PCDHA4: variants seen among roughly 807,000 people sequenced by gnomAD.
PCDHA4 encodes protocadherin alpha 4.
Under a neutral mutation model 61.4 loss-of-function variants are expected in PCDHA4, and 49 were observed. The observed-to-expected ratio is 0.80, with a 90% CI of 0.63 to 1.01. The LOEUF (loss-of-function observed/expected upper bound fraction) is 1.01, where lower values mean the gene tolerates loss of function less well. Ranked by LOEUF, PCDHA4 falls within the 50% of genes least tolerant of loss-of-function variation. PCDHA4 has a pLI of 0.00. For synonymous variants in PCDHA4, 590 were observed against 550.3 expected, an observed-to-expected ratio of 1.07 and a Z score of -1.01; for missense variants, 1,254 against 1,235.8, an observed-to-expected ratio of 1.01 and a Z score of -0.22.
In PCDHA4 at chr5:141,010,099, G is replaced by T; in HGVS notation, c.*162G>T. 5 of 1,612,768 alleles carry T rather than the reference G, an allele frequency of 3.1e-6. No individual in the cohort carries two copies. The highest frequency in any genetic ancestry group is 4.2e-6 in the Non-Finnish European group (5 of 1,179,316). On this transcript the variant is annotated 3_prime_UTR_variant, in exon 4 of 4. Coordinates refer to ENST00000530339, the MANE Select transcript of PCDHA4 (RefSeq NM_018907.4). ...GTGTCTGTCTAGAACGCATTTAACA[G>T]GTTTTGTCGTAAAAGCTTTACTAAG...
At chr5:140,811,325 A>G (rs1347665157) in intron 1 of PCDHA4, 1 of 152,238 alleles carries the variant, frequency 6.6e-6, no homozygotes, top group Non-Finnish European at 1.5e-5. Flanking sequence ...ATGTCTCTAC[A>G]AAGGACATGA....
chr5:140,911,778 A>G (rs2075636196), intron 1 of PCDHA4, among the ~76,000 whole-genome samples: 1 of 152,228 alleles, frequency 6.6e-6, no homozygotes, highest in Admixed American at 6.5e-5. Flanking sequence ...TACAGTCCTT[A>G]GCATTTTTGG....
chr5:140,955,557 C>T (rs1281978824), intron 1 of PCDHA4, among the ~76,000 whole-genome samples: 1 of 152,114 alleles, frequency 6.6e-6, no homozygotes, highest in East Asian at 1.9e-4. Flanking sequence ...GCCTCCCCAG[C>T]CATACTGAAC....
At chr5:140,882,611 C>T in intron 1 of PCDHA4, 1 of 1,614,252 alleles carries the variant, frequency 6.2e-7, no homozygotes, top group Non-Finnish European at 8.5e-7. Context: ...CAGGCCTCTG[C>T]AGGTTTTCCA....
At chr5:140,863,412 G>A (rs1226445956) in intron 1 of PCDHA4, 2 of 735,306 alleles carry the variant, frequency 2.7e-6, no homozygotes, top group Non-Finnish European at 4.6e-6. Flanking sequence ...CCACGCTGGT[G>A]TACCGCAGCG....
chr5:140,835,233 G>A (rs2150232386), intron 1 of PCDHA4: 2 of 1,597,634 alleles, frequency 1.3e-6, no homozygotes, highest in Non-Finnish European at 1.7e-6. Context: ...CTTCTCCAGT[G>A]ATGTTTCTCC....
chr5:140,957,594 A>C (rs2095369947), intron 1 of PCDHA4, among the ~76,000 whole-genome samples: 1 of 152,154 alleles, frequency 6.6e-6, no homozygotes, highest in Non-Finnish European at 1.5e-5. Context: ...AGCACTTCCC[A>C]GAATAAACAC....
chr5:140,902,185 T>TTCTC (rs370111655), intron 1 of PCDHA4, among the ~76,000 whole-genome samples: 1 of 150,794 alleles, frequency 6.6e-6, no homozygotes, highest in African/African-American at 2.4e-5. Context: ...CCTTTATGTC[T>TTCTC]TCTCTCTCTC....
In PCDHA4 at chr5:140,823,976, G is replaced by T. The variant is rs1247134130; in HGVS notation, c.2385+14404G>T. On this transcript the variant is annotated intron_variant, in intron 1 of 3. Coordinates refer to ENST00000530339, the MANE Select transcript of PCDHA4 (RefSeq NM_018907.4). Reference sequence around the variant, plus strand: ...CCCACCGAGGCCGTGTGCACACGGGGCAAGCCCACTCTGTTGTGCTCCAGC... The same window carrying T: ...CCCACCGAGGCCGTGTGCACACGGGTCAAGCCCACTCTGTTGTGCTCCAGC... 4 of 1,613,918 alleles carry T rather than the reference G, an allele frequency of 2.5e-6. No individual in the cohort carries two copies. In the African/African-American group the frequency reaches 5.3e-5, roughly 22 times the overall value.
At chr5:140,981,223 T>C (rs1472733562) in intron 2 of PCDHA4, among the ~76,000 whole-genome samples, 2 of 152,234 alleles carry the variant, frequency 1.3e-5, no homozygotes, top group Non-Finnish European at 2.9e-5. Context: ...CTTTAGTCAG[T>C]AGTCTAAATT....
intron 1 of PCDHA4, among the ~76,000 whole-genome samples, chr5:140,914,207 A>C (rs1485868934): frequency 6.6e-6 from 1 of 152,060 alleles, no homozygotes; most frequent in Admixed American, 6.6e-5. Context: ...TGTGATCTCT[A>C]TCTCTCTTTT....
At chr5:140,870,789 G>A in intron 1 of PCDHA4, 3 of 1,613,630 alleles carry the variant, frequency 1.9e-6, no homozygotes, top group Admixed American at 1.7e-5. Context: ...ACAACGCGCC[G>A]GCACTGCTGG....
chr5:140,976,190 C>T (rs1402016343), intron 1 of PCDHA4, among the ~76,000 whole-genome samples: 17 of 152,040 alleles, frequency 1.1e-4, no homozygotes, highest in African/African-American at 4.1e-4. Context: ...AATCAATATC[C>T]TGGAAACTCA....
intron 1 of PCDHA4, among the ~76,000 whole-genome samples, chr5:140,944,328 C>T (rs1478623361): frequency 1.3e-5 from 2 of 152,124 alleles, no homozygotes; most frequent in African/African-American, 4.8e-5. Context: ...GCTGGGATTA[C>T]AAGCACGTGC....
chr5:141,008,941 G>T, intron 3 of PCDHA4, among the ~76,000 whole-genome samples: 1 of 152,140 alleles, frequency 6.6e-6, no homozygotes, highest in East Asian at 1.9e-4. Context: ...TCTTGTTTTG[G>T]ACAAAATAGA....
intron 1 of PCDHA4, among the ~76,000 whole-genome samples, chr5:140,904,190 C>T (rs1292555686): frequency 6.6e-6 from 1 of 151,916 alleles, no homozygotes; most frequent in Non-Finnish European, 1.5e-5. Flanking sequence ...CCCTTCCCAC[C>T]CTTTCCCCCT....
In PCDHA4 at chr5:140,968,565, C is replaced by T. The variant is rs532751675; in HGVS notation, c.2386-10384C>T. ...GAGATGGTGCCTCGAACTGCCCCTG[C>T]TGGCTACCTGGTCACCAAAGTCATA... is the stretch of plus-strand genomic sequence containing the variant. On this transcript the variant is annotated intron_variant, in intron 1 of 3. Coordinates refer to ENST00000530339, the MANE Select transcript of PCDHA4 (RefSeq NM_018907.4). 4.3e-6 allele frequency: 7 copies of T among 1,614,206 alleles called. No homozygotes were observed. The African/African-American group carries it at 6.7e-5, about 15-fold the overall frequency.
chr5:140,913,100 A>G (rs2076204390), intron 1 of PCDHA4, among the ~76,000 whole-genome samples: 1 of 152,186 alleles, frequency 6.6e-6, no homozygotes, highest in Non-Finnish European at 1.5e-5. Flanking sequence ...TACTGGCCTC[A>G]TAGAATCAGT....
At chr5:140,889,724 T>C (rs1198530950) in intron 1 of PCDHA4, among the ~76,000 whole-genome samples, 6 of 152,216 alleles carry the variant, frequency 3.9e-5, no homozygotes, top group African/African-American at 1.4e-4. Context: ...TGCTACTGTC[T>C]CACTGAGTAG....
Sources: gnomAD v4.1 joint callset for allele counts (sites outside exome capture counted in the v4.1 genomes callset) on GRCh38, gnomAD v4.1.1 for gene constraint, MANE v1.5 for transcripts, NCBI Gene and HGNC (gene_info 2026-07-23, HGNC 2026-07-21) for gene names.